UTRN: variants seen among roughly 807,000 people sequenced by gnomAD.
UTRN encodes the protein utrophin.
In UTRN, 283 loss-of-function variants were observed where a neutral mutation model predicts 463.9. The observed-to-expected ratio is 0.61, with a 90% CI of 0.55 to 0.67. UTRN has a LOEUF of 0.67. UTRN is among the 30% of genes least tolerant of loss of function. The probability of loss-of-function intolerance (pLI) is 0.00; values close to 1 mark genes in which losing one functional copy is unlikely to be tolerated. For missense variants in UTRN, 3,922 were observed against 4,084.3 expected (o/e 0.96, Z 1.08); for synonymous variants, 1,442 against 1,431.5 (o/e 1.01, Z -0.17).
chr6:144,453,471 A>G (rs1788526423), intron 18 of UTRN, among the ~76,000 whole-genome samples: 1 of 152,076 alleles, frequency 6.6e-6, no homozygotes, highest in South Asian at 2.1e-4. Context: ...TTCTGTCATA[A>G]CACATTCAAT....
intron 51 of UTRN, among the ~76,000 whole-genome samples, chr6:144,677,025 C>T (rs574634951): frequency 6.6e-6 from 1 of 152,262 alleles, no homozygotes; most frequent in East Asian, 1.9e-4. Flanking sequence ...GATATACCAA[C>T]ATCTAACTAG....
chr6:144,392,425 G>A (rs1189165592), intron 2 of UTRN, among the ~76,000 whole-genome samples: 1 of 152,202 alleles, frequency 6.6e-6, no homozygotes, highest in East Asian at 1.9e-4. Flanking sequence ...GGTGGGGCAT[G>A]TCTAGAAAAT....
intron 69 of UTRN, 145 bp downstream of exon 69, chr6:144,829,000 T>G: frequency 1.2e-6 from 1 of 846,368 alleles, no homozygotes; most frequent in South Asian, 1.6e-5. Context: ...ACGTAGATTT[T>G]ATGCTTTCAA....
chr6:144,621,533 T>A (rs1211398672), intron 51 of UTRN, among the ~76,000 whole-genome samples: 2 of 152,188 alleles, frequency 1.3e-5, no homozygotes, highest in South Asian at 2.1e-4. Flanking sequence ...TATCTCGCTA[T>A]GATGCAATTC....
At chr6:144,553,115 G>T (rs1478112377) in intron 48 of UTRN, among the ~76,000 whole-genome samples, 3 of 152,150 alleles carry the variant, frequency 2.0e-5, no homozygotes, top group Non-Finnish European at 2.9e-5. Context: ...TTGACTCACT[G>T]CAACCTCTGC....
At position 144,744,320 on chromosome 6, in the gene UTRN, A is replaced by ATATGTG. The variant is rs1430903028; in HGVS notation, c.7940-3925_7940-3924insATGTGT. On this transcript the variant is annotated intron_variant, in intron 54 of 74. Coordinates refer to ENST00000367545, the MANE Select transcript of UTRN (RefSeq NM_007124.3). ...ATGGTGTATACATATATATATATAT[A>ATATGTG]TGTGTGTGTGTGTGTGTGTGTGTGT... Among the ~76,000 whole-genome samples, 80 of 95,438 alleles carry ATATGTG rather than the reference A, an allele frequency of 8.4e-4. 1 individual carries two copies. Among genetic ancestry groups the ATATGTG allele is most frequent in the African/African-American group, 3.3e-3 (75 of 22,662 alleles). The allele number at this position is 95,438 out of a possible 152,430, so 62.6% of individuals were successfully genotyped here.
In UTRN at chr6:144,809,774, G is replaced by C. The variant is rs117888828; in HGVS notation, c.9357+6627G>C. On this transcript the variant is annotated intron_variant, in intron 65 of 74. Transcript: ENST00000367545. Reference sequence around the variant, plus strand: ...TCTGGCGTTGTGCCATCAAAGGAGAGGGGAAGGGCACATTGGCTTTAGTAG... The same window carrying C: ...TCTGGCGTTGTGCCATCAAAGGAGACGGGAAGGGCACATTGGCTTTAGTAG... Among the ~76,000 whole-genome samples the C allele has an allele frequency of 3.6e-3, 545 of 152,234 alleles. 5 individuals carry two copies. The highest frequency in any genetic ancestry group is 7.0e-3 in the South Asian group (34 of 4,828).
chr6:144,831,215 A>C (rs1327300290), intron 69 of UTRN, among the ~76,000 whole-genome samples: 1 of 152,172 alleles, frequency 6.6e-6, no homozygotes, highest in African/African-American at 2.4e-5. Flanking sequence ...TGAATATACT[A>C]CTTTACTTGG....
At chr6:144,735,327 T>A (rs1562838396) in intron 54 of UTRN, among the ~76,000 whole-genome samples, 1 of 152,138 alleles carries the variant, frequency 6.6e-6, no homozygotes. Flanking sequence ...GAAAGAGGAA[T>A]GGCCATGCTG....
chr6:144,499,356 A>G lies in UTRN; in HGVS notation c.4693A>G (p.Thr1565Ala). ...SLSEWLSATE[T>A]ELVQKSTSEG... ...CTCTGAATGGCTTTCTGCTACTGAA[A>G]CTGAATTGGTACAGAAGTCCACTTC... Residue 1565 changes from threonine (T) to alanine (A), a missense_variant, in exon 34 of 75, where the codon ACT becomes GCT. Around this residue, in one of 3 missense-constraint regions of UTRN, gnomAD observed 2,349 missense variants for 2,303.8 expected, o/e 1.02. Transcript: ENST00000367545. 1.9e-6 allele frequency: 3 copies of G among 1,613,796 alleles called. No individual in the cohort carries two copies. The highest frequency in any genetic ancestry group is 2.5e-6 in the Non-Finnish European group (3 of 1,179,816).
At chr6:144,778,981 G>C (rs1438943993) in intron 60 of UTRN, among the ~76,000 whole-genome samples, 2 of 152,186 alleles carry the variant, frequency 1.3e-5, no homozygotes, top group African/African-American at 4.8e-5. Context: ...TAGGCACTAA[G>C]ACAAAGTGTC....
chr6:144,737,273 A>T (rs183578912), intron 54 of UTRN, among the ~76,000 whole-genome samples: 2 of 152,306 alleles, frequency 1.3e-5, no homozygotes, highest in East Asian at 3.9e-4. Flanking sequence ...GACTGTATGA[A>T]CTTGATGTCC....
intron 2 of UTRN, among the ~76,000 whole-genome samples, chr6:144,374,112 T>C (rs1413303103): frequency 6.6e-6 from 1 of 152,184 alleles, no homozygotes; most frequent in African/African-American, 2.4e-5. Context: ...ACTCCCGTGA[T>C]GGAGAGAAAG....
intron 2 of UTRN, among the ~76,000 whole-genome samples, chr6:144,371,599 T>A (rs2114712704): frequency 6.6e-6 from 1 of 152,246 alleles, no homozygotes; most frequent in South Asian, 2.1e-4. Context: ...TTAGTAGAGA[T>A]GGGGTTTCTC....
At chr6:144,767,704 T>C (rs1449869821) in intron 58 of UTRN, among the ~76,000 whole-genome samples, 2 of 152,204 alleles carry the variant, frequency 1.3e-5, no homozygotes, top group Non-Finnish European at 2.9e-5. Flanking sequence ...CTGTGATTAA[T>C]ATACATCCTG....
At chr6:144,439,790 A>T (rs1188695361) in intron 12 of UTRN, among the ~76,000 whole-genome samples, 2 of 152,214 alleles carry the variant, frequency 1.3e-5, no homozygotes. Context: ...GGTGTGAGCC[A>T]CCATGCCCAG....
At chr6:144,343,896 C>T (rs945895037) in intron 2 of UTRN, among the ~76,000 whole-genome samples, 1 of 152,010 alleles carries the variant, frequency 6.6e-6, no homozygotes, top group Non-Finnish European at 1.5e-5. Flanking sequence ...CCAGCTGATA[C>T]TGTCAAAACA....
At chr6:144,560,603 T>C (rs1324126110) in intron 50 of UTRN, among the ~76,000 whole-genome samples, 1 of 152,160 alleles carries the variant, frequency 6.6e-6, no homozygotes, top group Non-Finnish European at 1.5e-5. Context: ...CTGTGCAGCA[T>C]AATGTGTGAA....
At chr6:144,586,589 G>A (rs1390743685) in intron 51 of UTRN, among the ~76,000 whole-genome samples, 3 of 152,002 alleles carry the variant, frequency 2.0e-5, no homozygotes, top group South Asian at 2.1e-4. Flanking sequence ...TTATTGTTAC[G>A]TGATTACTTT....
Sources: allele counts gnomAD v4.1 joint callset (sites outside exome capture counted in the v4.1 genomes callset), GRCh38; gene constraint gnomAD v4.1.1; regional missense constraint gnomAD v4.1.1; transcripts MANE v1.5; gene names NCBI Gene and HGNC (gene_info 2026-07-23, HGNC 2026-07-21).